SRCAP: variants seen among roughly 807,000 people sequenced by gnomAD.
SRCAP encodes the protein Snf2 related CREBBP activator protein.
Under a neutral mutation model 263.1 loss-of-function variants are expected in SRCAP, and 46 were observed. The ratio of observed to expected loss-of-function variants is 0.17; its 90% confidence interval spans 0.14 to 0.22. The LOEUF is 0.22. SRCAP is among the 10% of genes least tolerant of loss of function. The pLI, the probability that SRCAP is intolerant of heterozygous loss-of-function variation, is 1.00. For missense variants in SRCAP, 3,695 were observed against 4,181.9 expected (o/e 0.88, Z 3.21); for synonymous variants, 1,813 against 1,662.1 (o/e 1.09, Z -2.21).
chr16:30,726,384 GAGA>G (rs1258517300), intron 25 of SRCAP: 3 of 152,212 alleles, frequency 2.0e-5, no homozygotes, highest in African/African-American at 7.2e-5. Flanking sequence ...ACATACTGAG[GAGA>G]AGAATTGCTG....
At position 30,740,225 on chromosome 16, in the gene SRCAP, C is replaced by G. The variant is rs2053211317; in HGVS notation, c.*492C>G. 6.6e-6 allele frequency: 1 copy of G among 152,604 alleles called. No individual in the cohort carries two copies. The highest frequency in any genetic ancestry group is 2.4e-5 in the African/African-American group (1 of 41,372). The allele number at this position is 152,604 out of a possible 1,614,324, so 9.5% of individuals were successfully genotyped here. ...CCTCCCTCTTGTTCTTGCAAAGATCCTAGCACCTGATCTCTAGCCCAGGAC... is the reference window on the plus strand; with the variant it reads ...CCTCCCTCTTGTTCTTGCAAAGATCGTAGCACCTGATCTCTAGCCCAGGAC... On this transcript the variant is annotated 3_prime_UTR_variant, in exon 34 of 34. Coordinates refer to ENST00000262518, the MANE Select transcript of SRCAP (RefSeq NM_006662.3).
intron 25 of SRCAP, among the ~76,000 whole-genome samples, chr16:30,726,791 C>T (rs1212387056): frequency 6.6e-6 from 1 of 152,218 alleles, no homozygotes; most frequent in Non-Finnish European, 1.5e-5. Flanking sequence ...ACCTCCACTT[C>T]CCAGGCTCAA....
chr16:30,711,618 G>T lies in SRCAP; in HGVS notation c.1366G>T (p.Ala456Ser), dbSNP rs762290316. Reference protein sequence around the residue: ...ELLQQYAGAYAPGSGSSEDED... With the variant: ...ELLQQYAGAYSPGSGSSEDED... ...ATTGCAGCAGTATGCAGGAGCCTAT[G>T]CCCCAGGCTCTGGGAGCAGTGAAGA... The change falls in exon 11 of 34, where the codon GCC (alanine) becomes TCC (serine). Residue 456 changes from alanine to serine, a missense_variant. Around this residue, in one of 12 missense-constraint regions of SRCAP, gnomAD observed 288 missense variants for 302.4 expected, o/e 0.95. Transcript: ENST00000262518. 6.2e-6 allele frequency: 10 copies of T among 1,613,268 alleles called. No individual in the cohort carries two copies. The East Asian group carries it at 2.2e-4, about 36-fold the overall frequency.
chr16:30,711,810 A>G (rs372073603), intron 11 of SRCAP, 25 bp from the exon 12 acceptor site: 3 of 1,612,104 alleles, frequency 1.9e-6, no homozygotes, highest in South Asian at 1.1e-5. Flanking sequence ...TATGATGAGC[A>G]GTAAGCCTTG....
chr16:30,732,640 A>T (rs1375737287), intron 27 of SRCAP, among the ~76,000 whole-genome samples: 1 of 152,110 alleles, frequency 6.6e-6, no homozygotes, highest in African/African-American at 2.4e-5. Flanking sequence ...CTATCCTGTG[A>T]ATCTGTTCTG....
intron 27 of SRCAP, among the ~76,000 whole-genome samples, chr16:30,732,634 C>T (rs1002564584): frequency 1.3e-5 from 2 of 152,128 alleles, no homozygotes; most frequent in African/African-American, 4.8e-5. Context: ...TGATATCTAT[C>T]CTGTGAATCT....
At chr16:30,700,390 ATTTG>A (rs1287782732) in intron 2 of SRCAP, among the ~76,000 whole-genome samples, 5 of 152,212 alleles carry the variant, frequency 3.3e-5, no homozygotes, top group African/African-American at 1.2e-4. Context: ...GGAAGTCAAT[ATTTG>A]TTATGCTGTG....
At chr16:30,722,805 C>G in intron 23 of SRCAP, 57 bp downstream of exon 23, 1 of 1,565,970 alleles carries the variant, frequency 6.4e-7, no homozygotes, top group South Asian at 1.2e-5. Context: ...TCCAGGCATG[C>G]GCTGGGCTAC....
At chr16:30,700,995 G>A (rs1435787304) in intron 3 of SRCAP, 117 bp downstream of exon 3, 18 of 1,014,668 alleles carry the variant, frequency 1.8e-5, no homozygotes, top group Non-Finnish European at 2.3e-5. Context: ...TTTGGTGCTC[G>A]GGGGCTGGGC....
In SRCAP at chr16:30,704,072, G is replaced by A. The variant is rs755700498; in HGVS notation, c.63G>A (p.Ser21=). 43 of 1,612,810 alleles carry A rather than the reference G, an allele frequency of 2.7e-5. No homozygotes were observed. The Admixed American group carries it at 2.8e-4, about 11-fold the overall frequency. ...ATTTTCCTCTTTTCTAGATGGTGTC[G>A]GACGGCATGACAGGCAGCAATCCTG... ...QLPVLQTQMV[S]DGMTGSNPVS... is the part of the protein sequence containing the mutation. The change falls in exon 4 of 34, where the codon TCG becomes TCA. Residue 21 remains serine (S), a synonymous_variant. Transcript: ENST00000262518.
At chr16:30,725,777 G>GTA (rs1326371440) in intron 25 of SRCAP, 5 of 152,050 alleles carry the variant, frequency 3.3e-5, no homozygotes, top group African/African-American at 9.7e-5. Context: ...CATTTAAACT[G>GTA]TACAATAGTT....
chr16:30,722,954 C>T lies in SRCAP; in HGVS notation c.3893-9C>T, dbSNP rs765958609. On this transcript the variant is annotated splice_polypyrimidine_tract_variant and intron_variant, in intron 23 of 33. Coordinates refer to ENST00000262518, the MANE Select transcript of SRCAP (RefSeq NM_006662.3). The stretch of plus-strand genomic sequence containing the variant: ...TCTACCTTCCTCTCAGTGTAGCTTC[C>T]TCTTGCAGTGCCACCAACCATGGTG... The T allele has an allele frequency of 6.2e-7, 1 of 1,602,154 alleles. No homozygotes were observed. Among genetic ancestry groups the T allele is most frequent in the Non-Finnish European group, 8.5e-7 (1 of 1,170,870 alleles).
At position 30,741,333 on chromosome 16, in the gene SRCAP, C is replaced by T. The variant is rs2053222959; in HGVS notation, c.*1600C>T. The T allele has an allele frequency of 6.3e-6, 1 of 159,086 alleles. No individual in the cohort carries two copies. Among genetic ancestry groups the T allele is most frequent in the Non-Finnish European group, 1.4e-5 (1 of 72,494 alleles). 9.9% of individuals were successfully genotyped at this position (159,086 alleles called of 1,614,324 possible). A position where few individuals can be genotyped will look rare whatever the true frequency, so the allele number is the denominator to read the frequency against. ...CCTGCTCTCTGACATCTATAATACT[C>T]AGGGGGCAGCCTCTTGGGAATTTGG... On this transcript the variant is annotated 3_prime_UTR_variant, in exon 34 of 34. Coordinates refer to ENST00000262518, the MANE Select transcript of SRCAP (RefSeq NM_006662.3).
chr16:30,707,757 T>C (rs1164589143), intron 6 of SRCAP, 45 bp downstream of exon 6: 6 of 1,608,096 alleles, frequency 3.7e-6, no homozygotes, highest in Non-Finnish European at 5.1e-6. Context: ...TGGATTAGAT[T>C]GGTAGATGGC....
chr16:30,700,559 T>G (rs528283012), intron 2 of SRCAP, 57 bp from the exon 3 acceptor site: 2 of 367,708 alleles, frequency 5.4e-6, no homozygotes, highest in East Asian at 8.3e-5. Context: ...TAAAAATACT[T>G]TTTCATCCCC....
chr16:30,708,350 A>C (rs908885965), intron 6 of SRCAP, among the ~76,000 whole-genome samples: 12 of 152,136 alleles, frequency 7.9e-5, no homozygotes, highest in Non-Finnish European at 2.9e-5. Context: ...CTGGGACTAC[A>C]GGCGCGTGCT....
At chr16:30,727,107 AG>A (rs2053071763) in intron 25 of SRCAP, among the ~76,000 whole-genome samples, 1 of 151,872 alleles carries the variant, frequency 6.6e-6, no homozygotes, top group South Asian at 2.1e-4. Context: ...CCAAAGTGCT[AG>A]GATTACAGGT....
intron 6 of SRCAP, among the ~76,000 whole-genome samples, chr16:30,708,735 ACCAAGCTGAT>A (rs2052854763): frequency 6.6e-6 from 1 of 152,182 alleles, no homozygotes; most frequent in Non-Finnish European, 1.5e-5. Flanking sequence ...GCTGTTACAT[ACCAAGCTGAT>A]CTTGAATTCC....
At chr16:30,705,291 C>CT (rs1436464067) in intron 4 of SRCAP, among the ~76,000 whole-genome samples, 2 of 152,132 alleles carry the variant, frequency 1.3e-5, no homozygotes, top group Admixed American at 6.5e-5. Flanking sequence ...CAGTGAGACT[C>CT]TGTCTCAAAA....
Sources: allele counts gnomAD v4.1 joint callset (sites outside exome capture counted in the v4.1 genomes callset), GRCh38; gene constraint gnomAD v4.1.1; regional missense constraint gnomAD v4.1.1; transcripts MANE v1.5; gene names NCBI Gene and HGNC (gene_info 2026-07-23, HGNC 2026-07-21).